Variants in GRIA3 observed in about 807,000 individuals in gnomAD.
GRIA3 encodes the protein glutamate ionotropic receptor AMPA type subunit 3.
GRIA3 carries 3 observed loss-of-function variants against 63.0 expected under a neutral mutation model. The ratio of observed to expected loss-of-function variants is 0.05; its 90% CI spans 0.02 to 0.12. The LOEUF is 0.12. GRIA3 is among the 10% of genes least tolerant of loss of function. The pLI is 1.00. For missense variants in GRIA3, 347 were observed against 700.9 expected (o/e 0.50, Z 5.70); for synonymous variants, 274 against 257.9 (o/e 1.06, Z -0.60).
At chrX:123,316,632 A>G (rs2044833298) in intron 3 of GRIA3, among the ~76,000 whole-genome samples, 1 of 112,647 alleles carries the variant, frequency 8.9e-6, no homozygotes, top group African/African-American at 3.2e-5. Flanking sequence ...TGAAATGTTC[A>G]TGTTGCAGAA....
At chrX:123,318,406 C>A (rs1002375335) in intron 3 of GRIA3, among the ~76,000 whole-genome samples, 1 of 112,263 alleles carries the variant, frequency 8.9e-6, no homozygotes, top group African/African-American at 3.2e-5. Flanking sequence ...AACTTTAATG[C>A]TCTGTTTCCC....
At chrX:123,261,173 CAA>C (rs2044458057) in intron 3 of GRIA3, among the ~76,000 whole-genome samples, 1 of 110,904 alleles carries the variant, frequency 9.0e-6, no homozygotes, top group African/African-American at 3.3e-5. Flanking sequence ...GGAAAAAATT[CAA>C]AAGACATTAA....
intron 12 of GRIA3, among the ~76,000 whole-genome samples, chrX:123,453,383 G>T (rs1284244524): frequency 1.8e-5 from 2 of 108,714 alleles, no homozygotes; most frequent in East Asian, 5.8e-4. Context: ...ACACACCGGG[G>T]CCTGTCGTGG....
At chrX:123,207,691 C>T (rs1168033514) in intron 2 of GRIA3, among the ~76,000 whole-genome samples, 1 of 111,907 alleles carries the variant, frequency 8.9e-6, no homozygotes, top group Non-Finnish European at 1.9e-5. Flanking sequence ...GTGTCACCAC[C>T]ATTAAGATTA....
At chrX:123,208,253 A>G (rs1384420232) in intron 2 of GRIA3, among the ~76,000 whole-genome samples, 3 of 112,248 alleles carry the variant, frequency 2.7e-5, no homozygotes, top group Non-Finnish European at 5.6e-5. Flanking sequence ...ATTACCAGAC[A>G]GCAGGATAGG....
At chrX:123,295,894 A>G (rs1377071269) in intron 3 of GRIA3, among the ~76,000 whole-genome samples, 1 of 111,398 alleles carries the variant, frequency 9.0e-6, no homozygotes, top group Admixed American at 9.5e-5. Context: ...GTTGGAATGT[A>G]TCACTAAGTG....
chrX:123,215,205 C>A (rs1007500013), intron 2 of GRIA3, among the ~76,000 whole-genome samples: 2 of 111,932 alleles, frequency 1.8e-5, no homozygotes, highest in Non-Finnish European at 3.8e-5. Context: ...AATTGTCCAG[C>A]AAATTCTGCT....
intron 11 of GRIA3, among the ~76,000 whole-genome samples, chrX:123,421,166 T>C (rs889611219): frequency 2.7e-5 from 3 of 112,175 alleles, no homozygotes; most frequent in African/African-American, 9.7e-5. Context: ...TAATAAATTA[T>C]TGCCTTTATG....
At chrX:123,355,635 C>A (rs137966068) in intron 5 of GRIA3, among the ~76,000 whole-genome samples, 1,712 of 111,478 alleles carry the variant, frequency 0.015, 35 homozygotes, top group African/African-American at 0.052. Flanking sequence ...CTGAATAATA[C>A]CATCTCCATG....
intron 15 of GRIA3, among the ~76,000 whole-genome samples, chrX:123,486,829 A>AT (rs2045944696): frequency 8.9e-6 from 1 of 112,010 alleles, no homozygotes. Flanking sequence ...GTACCCTGAG[A>AT]TTTTACTTCT....
chrX:123,447,017 G>A (rs2045706127), intron 12 of GRIA3, among the ~76,000 whole-genome samples: 1 of 112,358 alleles, frequency 8.9e-6, no homozygotes, highest in African/African-American at 3.2e-5. Flanking sequence ...GGACTTATGT[G>A]AAATGTATTT....
At chrX:123,340,977 G>A (rs1321274735) in intron 4 of GRIA3, among the ~76,000 whole-genome samples, 2 of 112,173 alleles carry the variant, frequency 1.8e-5, no homozygotes, top group African/African-American at 6.5e-5. Flanking sequence ...TTTCAGCAAA[G>A]GGCACAGACC....
intron 10 of GRIA3, among the ~76,000 whole-genome samples, chrX:123,405,543 A>G (rs1454217048): frequency 9.0e-6 from 1 of 111,480 alleles, no homozygotes; most frequent in African/African-American, 3.3e-5. Flanking sequence ...GCACCCGCCT[A>G]CCTCTCTAGC....
At chrX:123,266,339 T>G (rs2044488270) in intron 3 of GRIA3, among the ~76,000 whole-genome samples, 1 of 111,373 alleles carries the variant, frequency 9.0e-6, no homozygotes, top group South Asian at 3.8e-4. Flanking sequence ...TGTTCTGAAT[T>G]CCGAATTTAT....
In GRIA3 at chrX:123,355,035, G is replaced by A. The variant is rs182714608; in HGVS notation, c.750+72G>A. ...AATTTTTCTGTAATCATCCAAAAAG[G>A]AAATACATCAAGTACCTAATGCTTT... On this transcript the variant is annotated intron_variant, in intron 5 of 15. Transcript: ENST00000620443. 187 of 764,100 alleles carry A rather than the reference G, an allele frequency of 2.4e-4. No individual in the cohort carries two copies. In the African/African-American group the frequency reaches 3.5e-3, roughly 14 times the overall value. 63.0% of individuals were successfully genotyped at this position (764,100 alleles called of 1,213,427 possible).
At chrX:123,268,358 T>G (rs922498218) in intron 3 of GRIA3, among the ~76,000 whole-genome samples, 12 of 110,717 alleles carry the variant, frequency 1.1e-4, no homozygotes, top group Admixed American at 1.9e-4. Context: ...CTGAAAATCC[T>G]AGAGAAAGAA....
intron 12 of GRIA3, among the ~76,000 whole-genome samples, chrX:123,461,967 A>C (rs892981573): frequency 6.3e-5 from 7 of 111,946 alleles, no homozygotes; most frequent in African/African-American, 1.9e-4. Flanking sequence ...AGGCTTTACA[A>C]GGTATATAAT....
chrX:123,184,722 G>T, intron 1 of GRIA3, 78 bp downstream of exon 1: 2 of 718,454 alleles, frequency 2.8e-6, no homozygotes, highest in Middle Eastern at 4.2e-4. Context: ...TTTCCCTGCG[G>T]TGGGTCCCTG....
At chrX:123,319,609 G>A (rs1310452544) in intron 3 of GRIA3, among the ~76,000 whole-genome samples, 1 of 111,527 alleles carries the variant, frequency 9.0e-6, no homozygotes, top group Non-Finnish European at 1.9e-5. Context: ...AGTGCTTTGA[G>A]TACATCTGGG....
Sources: allele counts gnomAD v4.1 joint callset (sites outside exome capture counted in the v4.1 genomes callset), GRCh38; gene constraint gnomAD v4.1.1; transcripts MANE v1.5; gene names NCBI Gene and HGNC (gene_info 2026-07-23, HGNC 2026-07-21).